Variants in ARHGEF4 observed in about 807,000 individuals in gnomAD.
ARHGEF4 encodes the protein APC-stimulated guanine nucleotide exchange factor 1.
Under a neutral mutation model 162.0 loss-of-function variants are expected in ARHGEF4, and 119 were observed. That is an observed-to-expected ratio of 0.73 (90% CI 0.63 to 0.86). ARHGEF4 has a LOEUF of 0.86. Ranked by LOEUF, ARHGEF4 falls within the 40% of genes least tolerant of loss-of-function variation. The pLI is 0.00. For synonymous variants in ARHGEF4, 1,014 were observed against 979.9 expected, an observed-to-expected ratio of 1.03 and a Z score of -0.65; for missense variants, 2,488 against 2,456.0, an observed-to-expected ratio of 1.01 and a Z score of -0.28.
chr2:131,034,320 G>A (rs1255414894), intron 5 of ARHGEF4, among the ~76,000 whole-genome samples: 2 of 152,218 alleles, frequency 1.3e-5, no homozygotes, highest in East Asian at 3.8e-4. Context: ...TACCTGGGCT[G>A]TCATTCTTAA....
intron 4 of ARHGEF4, among the ~76,000 whole-genome samples, chr2:130,952,251 T>C (rs1684003720): frequency 6.6e-6 from 1 of 152,226 alleles, no homozygotes; most frequent in Admixed American, 6.5e-5. Context: ...GGGAAAATCC[T>C]TATTTAGTCT....
chr2:130,942,151 T>C (rs1378082098), intron 3 of ARHGEF4, among the ~76,000 whole-genome samples: 2 of 122,238 alleles, frequency 1.6e-5, no homozygotes, highest in Non-Finnish European at 3.2e-5. Context: ...TTTTCTTTTT[T>C]CTTTTTTTTT....
intron 4 of ARHGEF4, among the ~76,000 whole-genome samples, chr2:130,985,568 G>T (rs1428327369): frequency 1.3e-5 from 2 of 152,180 alleles, no homozygotes; most frequent in East Asian, 3.9e-4. Flanking sequence ...AGGCATCTGG[G>T]GGGGTGATGT....
Position 130,915,870 on chromosome 2 carries a change from C to T in ARHGEF4, c.1924C>T (p.Gln642Ter). The stretch of plus-strand genomic sequence containing the variant: ...TGTAGCTGTGGAGCAGAAAGGTCTT[C>T]AGGCCAGCAGGAGCAATGCGGGGCC... Reference protein sequence around the residue: ...IIVAVEQKGLQASRSNAGPVP... With the variant: ...IIVAVEQKGL The change falls in exon 2 of 14, where the codon CAG becomes TAG. Residue 642 changes from glutamine to a stop codon, truncating the protein, a stop_gained. Coordinates refer to ENST00000409359, the MANE Select transcript of ARHGEF4 (RefSeq NM_001367493.1). LOFTEE classifies it high-confidence loss of function. The T allele has an allele frequency of 6.5e-7, 1 of 1,547,468 alleles. No homozygotes were observed. Among genetic ancestry groups the T allele is most frequent in the Non-Finnish European group, 8.7e-7 (1 of 1,145,620 alleles).
intron 1 of ARHGEF4, among the ~76,000 whole-genome samples, chr2:130,849,062 C>T (rs749682266): frequency 1.3e-5 from 2 of 152,156 alleles, no homozygotes; most frequent in Non-Finnish European, 2.9e-5. Flanking sequence ...CTGCTGCCCC[C>T]CTCCTCCTTG....
chr2:131,044,943 C>T (rs1691120161), intron 12 of ARHGEF4, among the ~76,000 whole-genome samples: 1 of 152,174 alleles, frequency 6.6e-6, no homozygotes, highest in Admixed American at 6.5e-5. Context: ...GCTGTGGGTA[C>T]TGGCCTCAGA....
chr2:130,843,134 G>A (rs762222421), intron 1 of ARHGEF4, among the ~76,000 whole-genome samples: 12 of 152,136 alleles, frequency 7.9e-5, no homozygotes, highest in Non-Finnish European at 1.8e-4. Flanking sequence ...GTTATATTGG[G>A]ATCTCCTCCT....
chr2:130,881,817 G>A (rs1446288283), intron 1 of ARHGEF4, among the ~76,000 whole-genome samples: 1 of 152,106 alleles, frequency 6.6e-6, no homozygotes, highest in Non-Finnish European at 1.5e-5. Context: ...CTGGTGTACT[G>A]GGCGGGGAGT....
chr2:131,029,082 C>T lies in ARHGEF4; in HGVS notation c.4125+998C>T, dbSNP rs73000355. On this transcript the variant is annotated intron_variant, in intron 5 of 13. Transcript: ENST00000409359. ...GATGATTTAAAACAGTCATTAAGGG[C>T]GGGCATGGTGGCTCACGCCTATAAT... Among the ~76,000 whole-genome samples, 709 of 151,860 alleles carry T rather than the reference C, an allele frequency of 4.7e-3. 8 individuals are homozygous for T. The highest frequency in any genetic ancestry group is 0.023 in the East Asian group (119 of 5,180).
chr2:130,868,167 C>T (rs1411240440), intron 1 of ARHGEF4, among the ~76,000 whole-genome samples: 1 of 151,876 alleles, frequency 6.6e-6, no homozygotes, highest in Non-Finnish European at 1.5e-5. Context: ...CGTCGTGATC[C>T]GCCCGCCCCG....
rs1445686249 is a variant in ARHGEF4, at chr2:130,931,105, G to C, written c.3706G>C (p.Glu1236Gln). The part of the protein sequence containing the change: ...LCISAETVRG[E>Q]APSQPRGIPH... ...CATCTCTGCAGAGACTGTGCGTGGG[G>C]AGGCTCCTTCACAGCCTAGGGGCAT... The change falls in exon 3 of 14, where the codon GAG becomes CAG. Residue 1236 changes from glutamate to glutamine, a missense_variant. By Grantham distance (29) the Glu-to-Gln change is conservative. Coordinates refer to ENST00000409359, the MANE Select transcript of ARHGEF4 (RefSeq NM_001367493.1). 1 of 1,614,190 alleles carries C rather than the reference G, an allele frequency of 6.2e-7. No individual in the cohort carries two copies. The highest frequency in any genetic ancestry group is 8.5e-7 in the Non-Finnish European group (1 of 1,180,026).
chr2:130,962,987 C>CTTT (rs556768005), intron 4 of ARHGEF4, among the ~76,000 whole-genome samples: 27 of 152,234 alleles, frequency 1.8e-4, no homozygotes, highest in African/African-American at 6.0e-4. Context: ...TGGGTGGACT[C>CTTT]TAAGAACCTA....
chr2:131,008,894 T>C (rs2105328219), intron 4 of ARHGEF4, among the ~76,000 whole-genome samples: 1 of 152,338 alleles, frequency 6.6e-6, no homozygotes, highest in East Asian at 1.9e-4. Context: ...AGCCCCACAA[T>C]ATAATGTTAT....
At chr2:130,984,075 A>G (rs2105260180) in intron 4 of ARHGEF4, among the ~76,000 whole-genome samples, 1 of 152,380 alleles carries the variant, frequency 6.6e-6, no homozygotes, top group East Asian at 1.9e-4. Flanking sequence ...TTAGAGCTCT[A>G]GCAATGAGAT....
rs1366094326 is a variant in ARHGEF4 at position 131,041,244 on chromosome 2, G to C, written c.4677G>C (p.Gln1559His). The change falls in exon 9 of 14, where the codon CAG becomes CAC. Residue 1559 changes from glutamine (Q) to histidine (H), a missense_variant. This residue lies in a region of ARHGEF4 where 415 missense variants were observed against 512.4 expected (regional missense o/e 0.81). Coordinates refer to ENST00000409359, the MANE Select transcript of ARHGEF4 (RefSeq NM_001367493.1). ...ACFLEHQADF[Q>H]IYSEYCNNHP... Reference sequence around the variant, plus strand: ...GTGCCCCTTAGCAAGCCGACTTCCAGATCTACTCGGAGTACTGCAATAACC... The same window carrying C: ...GTGCCCCTTAGCAAGCCGACTTCCACATCTACTCGGAGTACTGCAATAACC... 1.9e-6 allele frequency: 3 copies of C among 1,613,632 alleles called. No homozygotes were observed. Among genetic ancestry groups the C allele is most frequent in the Non-Finnish European group, 2.5e-6 (3 of 1,179,908 alleles).
At chr2:130,887,997 G>A (rs1379224861) in intron 1 of ARHGEF4, among the ~76,000 whole-genome samples, 1 of 152,090 alleles carries the variant, frequency 6.6e-6, no homozygotes, top group Non-Finnish European at 1.5e-5. Flanking sequence ...AGGCAGGTGT[G>A]TGCAGCTTCC....
At chr2:131,034,133 G>T (rs1227670179) in intron 5 of ARHGEF4, among the ~76,000 whole-genome samples, 1 of 152,070 alleles carries the variant, frequency 6.6e-6, no homozygotes, top group Non-Finnish European at 1.5e-5. Context: ...ACTCCCATGG[G>T]AACACCCAGT....
At chr2:130,837,889 G>A (rs913304692) in intron 1 of ARHGEF4, among the ~76,000 whole-genome samples, 1 of 152,240 alleles carries the variant, frequency 6.6e-6, no homozygotes. Context: ...ACTTGGCTGT[G>A]CAGCCATCTT....
chr2:131,024,622 C>T (rs964123033), intron 4 of ARHGEF4, among the ~76,000 whole-genome samples: 1 of 152,164 alleles, frequency 6.6e-6, no homozygotes, highest in Non-Finnish European at 1.5e-5. Flanking sequence ...GGCAATTTGA[C>T]AACTTTTGGT....
Sources: gnomAD v4.1 joint callset for allele counts (sites outside exome capture counted in the v4.1 genomes callset) on GRCh38, gnomAD v4.1.1 for gene constraint, gnomAD v4.1.1 regional missense constraint, MANE v1.5 for transcripts, NCBI Gene and HGNC (gene_info 2026-07-23, HGNC 2026-07-21) for gene names.